Variants in PLXNA2 observed in about 807,000 individuals in gnomAD.
PLXNA2 encodes the protein plexin A2, also known as plexin-A2.
Under a neutral mutation model 193.5 loss-of-function variants are expected in PLXNA2, and 91 were observed. That is an observed-to-expected ratio of 0.47 (90% CI 0.40 to 0.56). The LOEUF (loss-of-function observed/expected upper bound fraction) is 0.56, where lower values mean the gene tolerates loss of function less well. Ranked by LOEUF, PLXNA2 falls within the 20% of genes least tolerant of loss-of-function variation. The pLI is 0.00. For missense variants in PLXNA2, 1,995 were observed against 2,503.2 expected, an observed-to-expected ratio of 0.80 and a Z score of 4.33; for synonymous variants, 997 against 1,027.3, an observed-to-expected ratio of 0.97 and a Z score of 0.56.
intron 3 of PLXNA2, among the ~76,000 whole-genome samples, chr1:208,179,203 C>G (rs1669760997): frequency 1.3e-5 from 2 of 152,170 alleles, no homozygotes; most frequent in Non-Finnish European, 2.9e-5. Flanking sequence ...GAAGCCTAAG[C>G]ATCCTCGCCA....
chr1:208,230,308 C>A (rs903495152), intron 1 of PLXNA2: 1 of 152,244 alleles, frequency 6.6e-6, no homozygotes, highest in Non-Finnish European at 1.5e-5. Context: ...AAGAAACAAA[C>A]AGGGTGCTGC....
At chr1:208,100,095 C>A (rs1431267526) in intron 5 of PLXNA2, among the ~76,000 whole-genome samples, 4 of 151,960 alleles carry the variant, frequency 2.6e-5, no homozygotes, top group Non-Finnish European at 1.5e-5. Context: ...AAGGATTGGC[C>A]AGGCATGGTG....
rs139331782 is a variant in PLXNA2 at position 208,209,916 on chromosome 1, C to T, written c.1371+364G>A. 492 of 231,018 alleles carry T rather than the reference C, an allele frequency of 2.1e-3. 2 individuals carry two copies. The highest frequency in any genetic ancestry group is 0.012 in the African/African-American group (471 of 40,770). The allele number at this position is 231,018 out of a possible 1,614,324, so 14.3% of individuals were successfully genotyped here. Reference sequence around the variant, plus strand: ...TTTACAGGTTCTAGGGAGGGATTTGCGATTTTGGAGATTTATAATGCACAT... The same window carrying T: ...TTTACAGGTTCTAGGGAGGGATTTGTGATTTTGGAGATTTATAATGCACAT... On this transcript the variant is annotated intron_variant, in intron 3 of 31. Transcript: ENST00000367033.
chr1:208,048,900 C>A (rs993363814), intron 17 of PLXNA2, among the ~76,000 whole-genome samples: 1 of 152,198 alleles, frequency 6.6e-6, no homozygotes, highest in African/African-American at 2.4e-5. Context: ...AAATAACTTG[C>A]CTGTGAGCGT....
chr1:208,131,410 T>C (rs916595888), intron 4 of PLXNA2, among the ~76,000 whole-genome samples: 3 of 152,176 alleles, frequency 2.0e-5, no homozygotes, highest in Non-Finnish European at 2.9e-5. Flanking sequence ...TGAAGCCTAA[T>C]TGGAAATCCA....
intron 4 of PLXNA2, among the ~76,000 whole-genome samples, chr1:208,114,960 G>A (rs555773853): frequency 1.3e-5 from 2 of 152,282 alleles, no homozygotes; most frequent in African/African-American, 4.8e-5. Flanking sequence ...ACTTACATTG[G>A]AACATTTTAA....
rs137999984 is a variant in PLXNA2, at chr1:208,039,963, G to A, written c.4353+29C>T. The A allele has an allele frequency of 1.7e-5, 28 of 1,609,618 alleles. No individual in the cohort carries two copies. In the South Asian group the frequency reaches 1.8e-4, roughly 10 times the overall value. On this transcript the variant is annotated intron_variant, in intron 23 of 31. Coordinates refer to ENST00000367033, the MANE Select transcript of PLXNA2 (RefSeq NM_025179.4). ...GCAGCAGTGCCATCCTGCCCTGGAC[G>A]CTAGGCCCCGTCTCACTCCCTTTCT...
chr1:208,182,439 G>GA (rs1014669068), intron 3 of PLXNA2, among the ~76,000 whole-genome samples: 58 of 151,702 alleles, frequency 3.8e-4, no homozygotes, highest in African/African-American at 1.4e-3. Context: ...TCTCAGAAAA[G>GA]AAAAAAAGAA....
At position 208,210,342 on chromosome 1, in the gene PLXNA2, A is replaced by G. The variant is rs751285743; in HGVS notation, c.1309T>C (p.Ser437Pro). The change falls in exon 3 of 32, where the codon TCC becomes CCC. Residue 437 changes from serine (S) to proline (P), a missense_variant. Ser to Pro is a moderately conservative substitution (Grantham distance 74, BLOSUM62 -1). Around this residue, in one of 3 missense-constraint regions of PLXNA2, gnomAD observed 702 missense variants for 812.9 expected, o/e 0.86. Coordinates refer to ENST00000367033, the MANE Select transcript of PLXNA2 (RefSeq NM_025179.4). ...ACGCTGTAGCCGTTGTAAACGTAGG[A>G]GGCCACAGAGGTCATGCGGTCCCTG... ...TSRDRMTSVA[S>P]YVYNGYSVVF... The G allele has an allele frequency of 1.2e-6, 2 of 1,614,042 alleles. No individual in the cohort carries two copies. Among genetic ancestry groups the G allele is most frequent in the South Asian group, 2.2e-5 (2 of 91,074 alleles).
intron 3 of PLXNA2, among the ~76,000 whole-genome samples, chr1:208,188,162 C>T (rs151296180): frequency 3.3e-5 from 5 of 152,324 alleles, no homozygotes; most frequent in Non-Finnish European, 5.9e-5. Context: ...ATGCCTTCAA[C>T]TAGGCACCTG....
At chr1:208,208,346 G>T (rs1415826797) in intron 3 of PLXNA2, among the ~76,000 whole-genome samples, 1 of 152,178 alleles carries the variant, frequency 6.6e-6, no homozygotes, top group East Asian at 1.9e-4. Context: ...GTGCCAAATT[G>T]GGTGTCAAGG....
At chr1:208,063,444 G>T (rs1665680182) in intron 12 of PLXNA2, among the ~76,000 whole-genome samples, 1 of 152,202 alleles carries the variant, frequency 6.6e-6, no homozygotes, top group African/African-American at 2.4e-5. Context: ...ATATTGTTTA[G>T]AGAAGAAGAC....
chr1:208,125,955 C>A (rs896157572), intron 4 of PLXNA2, among the ~76,000 whole-genome samples: 4 of 152,150 alleles, frequency 2.6e-5, no homozygotes, highest in African/African-American at 9.7e-5. Flanking sequence ...AGCTCTGTTG[C>A]GGTCACAGGA....
chr1:208,231,403 C>G (rs1671688398), intron 1 of PLXNA2, among the ~76,000 whole-genome samples: 1 of 152,048 alleles, frequency 6.6e-6, no homozygotes, highest in Non-Finnish European at 1.5e-5. Flanking sequence ...AAAGAAAATG[C>G]TCCTGGAGTG....
chr1:208,116,940 CTGGG>C (rs1667655588), intron 4 of PLXNA2, among the ~76,000 whole-genome samples: 1 of 152,126 alleles, frequency 6.6e-6, no homozygotes, highest in Non-Finnish European at 1.5e-5. Flanking sequence ...GGAGGCCAAG[CTGGG>C]CAGGATCATT....
At chr1:208,235,065 C>G (rs941233500) in intron 1 of PLXNA2, among the ~76,000 whole-genome samples, 1 of 152,166 alleles carries the variant, frequency 6.6e-6, no homozygotes, top group Non-Finnish European at 1.5e-5. Context: ...CAATGCCAAC[C>G]TACCAATCCT....
chr1:208,215,629 TG>T (rs1558248992), intron 2 of PLXNA2, among the ~76,000 whole-genome samples: 2 of 150,466 alleles, frequency 1.3e-5, no homozygotes, highest in East Asian at 4.0e-4. Flanking sequence ...GATGGATGGA[TG>T]GATGATGGAT....
rs1164907471 is a variant in PLXNA2, at chr1:208,236,493, C to T, written c.-81+7150G>A. ...ACCCCTTCCTCTGCTCCTGAACCTT[C>T]CACCCTCTCTCCCTTAAAGGGTGGA... is the stretch of plus-strand genomic sequence containing the variant. On this transcript the variant is annotated intron_variant, in intron 1 of 31. Transcript: ENST00000367033. This position sits in a 1 kb window ranked among gnomAD's most constrained non-coding sequence, Gnocchi z 4.4. Among the ~76,000 whole-genome samples, 1 of 152,174 alleles carries T rather than the reference C, an allele frequency of 6.6e-6. No homozygotes were observed. Among genetic ancestry groups the T allele is most frequent in the Non-Finnish European group, 1.5e-5 (1 of 68,028 alleles).
chr1:208,027,083 T>C lies in PLXNA2; in HGVS notation c.*160A>G, dbSNP rs528920544. On this transcript the variant is annotated 3_prime_UTR_variant, in exon 32 of 32. Transcript: ENST00000367033. ...AGCTGGAACTGGCTATGACGAAACT[T>C]GGCTGGCGTAGGGAGAGGAGTCCTC... 1.6e-6 allele frequency: 1 copy of C among 620,326 alleles called. No homozygotes were observed. Among genetic ancestry groups the C allele is most frequent in the East Asian group, 2.9e-5 (1 of 34,614 alleles). The allele number at this position is 620,326 out of a possible 1,614,324, so 38.4% of individuals were successfully genotyped here. A position where few individuals can be genotyped will look rare whatever the true frequency, so the allele number is the denominator to read the frequency against.
Sources: allele counts gnomAD v4.1 joint callset (sites outside exome capture counted in the v4.1 genomes callset), GRCh38; gene constraint gnomAD v4.1.1; regional missense constraint gnomAD v4.1.1; non-coding constraint Gnocchi (gnomAD v3.1); transcripts MANE v1.5; gene names NCBI Gene and HGNC (gene_info 2026-07-23, HGNC 2026-07-21).